PAK2: variants seen among roughly 807,000 people sequenced by gnomAD.
PAK2 encodes p21 (RAC1) activated kinase 2, also known as serine/threonine-protein kinase PAK 2.
A neutral mutation model predicts 65.9 loss-of-function variants in PAK2; 21 were observed. The observed-to-expected ratio is 0.32, with a 90% confidence interval of 0.23 to 0.46. PAK2 has a LOEUF of 0.46. PAK2 is among the 20% of genes least tolerant of loss of function. PAK2 has a pLI of 1.00. For missense variants in PAK2, 324 were observed against 642.6 expected (o/e 0.50, Z 5.36); for synonymous variants, 204 against 219.7 (o/e 0.93, Z 0.63).
intron 13 of PAK2, among the ~76,000 whole-genome samples, chr3:196,826,588 G>A (rs1359767666): frequency 6.6e-6 from 1 of 152,014 alleles, no homozygotes; most frequent in Non-Finnish European, 1.5e-5. Context: ...TCAATGGTGA[G>A]GTTGTGGTTA....
chr3:196,803,094 T>C lies in PAK2; in HGVS notation c.366T>C (p.Ala122=). Residue 122 remains alanine (A), a synonymous_variant, in exon 4 of 15, where the codon GCT becomes GCC. Transcript: ENST00000327134. Reference sequence around the variant, plus strand: ...TAGAGCAAAAGAAGAATCCTCAGGCTGTGCTGGATGTCCTAAAGTTCTACG... The same window carrying C: ...TAGAGCAAAAGAAGAATCCTCAGGCCGTGCTGGATGTCCTAAAGTTCTACG... ...TKLEQKKNPQ[A]VLDVLKFYDS... The C allele has an allele frequency of 6.2e-7, 1 of 1,613,074 alleles. No individual in the cohort carries two copies. Among genetic ancestry groups the C allele is most frequent in the Non-Finnish European group, 8.5e-7 (1 of 1,179,270 alleles).
chr3:196,813,412 C>T (rs1215544934), intron 10 of PAK2, among the ~76,000 whole-genome samples: 2 of 147,004 alleles, frequency 1.4e-5, no homozygotes, highest in African/African-American at 2.5e-5. Context: ...GAGCCGAGAT[C>T]GCACCACTGC....
At chr3:196,781,459 T>G (rs1714711801) in intron 1 of PAK2, among the ~76,000 whole-genome samples, 1 of 152,198 alleles carries the variant, frequency 6.6e-6, no homozygotes, top group Non-Finnish European at 1.5e-5. Flanking sequence ...TAAGACAGAT[T>G]ACCCAACTGC....
rs141202007 is a variant in PAK2 at position 196,792,283 on chromosome 3, A to G, written c.187+9450A>G. ...ACTACTAGTTTATCGTTAACTAATA[A>G]ATAATTTCTCCTGTATGTAGGGTAT... is the stretch of plus-strand genomic sequence containing the variant. On this transcript the variant is annotated intron_variant, in intron 2 of 14. Transcript: ENST00000327134. Among the ~76,000 whole-genome samples, 1,450 of 152,314 alleles carry G rather than the reference A, an allele frequency of 9.5e-3. 25 individuals are homozygous for G. Among genetic ancestry groups the G allele is most frequent in the African/African-American group, 0.032 (1,335 of 41,556 alleles).
Position 196,807,818 on chromosome 3 carries a change from C to T in PAK2, c.613C>T (p.Pro205Ser). ...TRSVIDPVPAPVGDSHVDGAA... is the reference protein window; with the variant it reads ...TRSVIDPVPASVGDSHVDGAA... ...GTCTGTAATTGACCCTGTTCCTGCA[C>T]CAGTTGGTGATTCACATGTTGATGG... is the stretch of plus-strand genomic sequence containing the variant. Residue 205 changes from proline (P) to serine (S), a missense_variant, in exon 7 of 15, where the codon CCA (proline) becomes TCA (serine). Physicochemically the swap from Pro to Ser is moderately conservative, Grantham distance 74. This residue lies in a region of PAK2 where 183 missense variants were observed against 246.2 expected (regional missense o/e 0.74). Coordinates refer to ENST00000327134, the MANE Select transcript of PAK2 (RefSeq NM_002577.4). 1 of 1,612,078 alleles carries T rather than the reference C, an allele frequency of 6.2e-7. No homozygotes were observed. Among genetic ancestry groups the T allele is most frequent in the South Asian group, 1.1e-5 (1 of 91,006 alleles).
chr3:196,815,454 C>G (rs544188760), intron 11 of PAK2, among the ~76,000 whole-genome samples: 6 of 149,040 alleles, frequency 4.0e-5, no homozygotes, highest in African/African-American at 1.5e-4. Context: ...ATTGCGCCAC[C>G]GCACTCCATC....
intron 1 of PAK2, among the ~76,000 whole-genome samples, chr3:196,751,694 T>TATATATAAA (rs1211217848): frequency 1.1e-4 from 5 of 45,834 alleles, no homozygotes; most frequent in Non-Finnish European, 1.3e-4. Flanking sequence ...TATATATATA[T>TATATATAAA]AATTCAGGCT....
intron 11 of PAK2, among the ~76,000 whole-genome samples, chr3:196,817,412 G>A (rs1577747007): frequency 2.0e-5 from 3 of 151,998 alleles, no homozygotes; most frequent in African/African-American, 2.4e-5. Flanking sequence ...GTGCAGTGGT[G>A]CGATCTTGGC....
At chr3:196,825,158 C>A (rs1711800487) in intron 13 of PAK2, among the ~76,000 whole-genome samples, 1 of 150,486 alleles carries the variant, frequency 6.6e-6, no homozygotes, top group Non-Finnish European at 1.5e-5. Context: ...CCAGCCTGGC[C>A]AATGTGGTGA....
intron 4 of PAK2, among the ~76,000 whole-genome samples, chr3:196,804,832 T>TAC (rs1553807533): frequency 5.0e-5 from 4 of 80,360 alleles, no homozygotes; most frequent in African/African-American, 1.9e-4. Flanking sequence ...TATACACATA[T>TAC]ATATATATAT....
At chr3:196,801,664 C>G (rs1217407239) in intron 2 of PAK2, among the ~76,000 whole-genome samples, 1 of 151,600 alleles carries the variant, frequency 6.6e-6, no homozygotes, top group Non-Finnish European at 1.5e-5. Context: ...GAAACCCTGT[C>G]TCTACTAAAA....
intron 2 of PAK2, among the ~76,000 whole-genome samples, chr3:196,797,664 T>C (rs1204362561): frequency 1.3e-5 from 2 of 151,904 alleles, no homozygotes; most frequent in Non-Finnish European, 2.9e-5. Flanking sequence ...AGGCATAGAA[T>C]TGCTTGAACC....
At chr3:196,742,587 T>C (rs1225164391) in intron 1 of PAK2, among the ~76,000 whole-genome samples, 2 of 152,212 alleles carry the variant, frequency 1.3e-5, no homozygotes, top group African/African-American at 4.8e-5. Context: ...TCTTTTGGCT[T>C]TCTGACTTTT....
intron 1 of PAK2, among the ~76,000 whole-genome samples, chr3:196,750,162 A>G (rs1340069201): frequency 6.6e-6 from 1 of 150,616 alleles, no homozygotes; most frequent in Non-Finnish European, 1.5e-5. Context: ...AATTTTTTGT[A>G]TTTTTTTTGT....
At chr3:196,790,042 C>T (rs1340252734) in intron 2 of PAK2, among the ~76,000 whole-genome samples, 1 of 152,182 alleles carries the variant, frequency 6.6e-6, no homozygotes, top group East Asian at 1.9e-4. Context: ...TGGTCCACGG[C>T]CCTGGGGCTG....
At chr3:196,781,708 C>T (rs1004880298) in intron 1 of PAK2, among the ~76,000 whole-genome samples, 1 of 152,322 alleles carries the variant, frequency 6.6e-6, no homozygotes, top group South Asian at 2.1e-4. Context: ...GGGCTCACGC[C>T]TATAATCTCA....
chr3:196,766,697 C>T (rs1425291880), intron 1 of PAK2, among the ~76,000 whole-genome samples: 1 of 151,946 alleles, frequency 6.6e-6, no homozygotes. Context: ...TCCCATCTCT[C>T]CCAAAGTAAC....
rs1046490266 is a variant in PAK2 at position 196,775,704 on chromosome 3, T to C, written c.-21-6922T>C. Among the ~76,000 whole-genome samples the C allele has an allele frequency of 4.6e-5, 7 of 152,312 alleles. No homozygotes were observed. The South Asian group carries it at 1.2e-3, about 27-fold the overall frequency. On this transcript the variant is annotated intron_variant, in intron 1 of 14. Coordinates refer to ENST00000327134, the MANE Select transcript of PAK2 (RefSeq NM_002577.4). ...ACCAAAATGTAAGGAAAGGCTGTGT[T>C]CTGAAAGTTGCTGTGTAATGTCATT...
chr3:196,804,372 T>G (rs546964924), intron 4 of PAK2, among the ~76,000 whole-genome samples: 56 of 152,102 alleles, frequency 3.7e-4, no homozygotes, highest in African/African-American at 1.3e-3. Flanking sequence ...AATTAGTAAT[T>G]TTTTTGAAAA....
Sources: gnomAD v4.1 joint callset for allele counts (sites outside exome capture counted in the v4.1 genomes callset) on GRCh38, gnomAD v4.1.1 for gene constraint, gnomAD v4.1.1 regional missense constraint, MANE v1.5 for transcripts, NCBI Gene and HGNC (gene_info 2026-07-23, HGNC 2026-07-21) for gene names.